The following SFMBT2 variants were observed in gnomAD, a reference collection of about 807,000 sequenced individuals.
The protein encoded by SFMBT2 is scm-like with four MBT domains protein 2.
A neutral mutation model predicts 110.1 loss-of-function variants in SFMBT2; 38 were observed. The observed-to-expected ratio is 0.35, with a 90% CI of 0.27 to 0.45. The LOEUF (loss-of-function observed/expected upper bound fraction) is 0.45. SFMBT2 is among the 20% of genes least tolerant of loss of function. The pLI is 1.00. For synonymous variants in SFMBT2, 425 were observed against 425.4 expected, an observed-to-expected ratio of 1.00 and a Z score of 0.01; for missense variants, 1,011 against 1,094.9, an observed-to-expected ratio of 0.92 and a Z score of 1.08.
chr10:7,372,412 C>G (rs1845087419), intron 2 of SFMBT2, among the ~76,000 whole-genome samples: 1 of 152,148 alleles, frequency 6.6e-6, no homozygotes, highest in Non-Finnish European at 1.5e-5. Context: ...AAGTGACTTA[C>G]AGTCAAACAT....
At position 7,286,720 on chromosome 10, in the gene SFMBT2, T is replaced by C. The variant is rs570487387; in HGVS notation, c.437-766A>G. Among the ~76,000 whole-genome samples the C allele has an allele frequency of 1.2e-4, 19 of 152,318 alleles. No homozygotes were observed. The South Asian group carries it at 3.7e-3, about 30-fold the overall frequency. ...ACTATACTATTTTCTGTTCGAGACT[T>C]GATCATCTGCAAATTTTGGTATCCT... On this transcript the variant is annotated intron_variant, in intron 4 of 20. Transcript: ENST00000397167.
intron 3 of SFMBT2, among the ~76,000 whole-genome samples, chr10:7,368,597 G>A (rs897471728): frequency 6.6e-6 from 1 of 152,170 alleles, no homozygotes; most frequent in Admixed American, 6.5e-5. Flanking sequence ...TGGCCCCCAG[G>A]ACACTATATT....
intron 4 of SFMBT2, among the ~76,000 whole-genome samples, chr10:7,318,570 T>C (rs1328743475): frequency 6.6e-6 from 1 of 152,244 alleles, no homozygotes; most frequent in African/African-American, 2.4e-5. Context: ...TTAGCAGGAA[T>C]GTAACACAGT....
chr10:7,187,352 G>T (rs1254043418), intron 16 of SFMBT2, among the ~76,000 whole-genome samples: 1 of 152,150 alleles, frequency 6.6e-6, no homozygotes, highest in East Asian at 1.9e-4. Flanking sequence ...TACTGCTAAT[G>T]ATCTCTTTAA....
rs1455513907 is a variant in SFMBT2 at position 7,399,386 on chromosome 10, C to T, written c.-52+11475G>A. On this transcript the variant is annotated intron_variant, in intron 1 of 20. Coordinates refer to ENST00000397167, the MANE Select transcript of SFMBT2 (RefSeq NM_001387889.1). ...TACCTGGGATTACAGGCGCCCACCA[C>T]TATGCCCAGCTAATTTTTTATTTTT... Among the ~76,000 whole-genome samples, 3 of 152,200 alleles carry T rather than the reference C, an allele frequency of 2.0e-5. No individual in the cohort carries two copies. The East Asian group carries it at 5.8e-4, about 29-fold the overall frequency.
At chr10:7,377,349 G>A (rs754014732) in intron 2 of SFMBT2, among the ~76,000 whole-genome samples, 47 of 152,194 alleles carry the variant, frequency 3.1e-4, no homozygotes, top group Non-Finnish European at 5.6e-4. Context: ...TTTTGTGGAA[G>A]ACAATTAGGC....
intron 8 of SFMBT2, 150 bp downstream of exon 8, chr10:7,248,398 C>G (rs1239178726): frequency 3.2e-6 from 2 of 631,896 alleles, no homozygotes; most frequent in Non-Finnish European, 5.5e-6. Flanking sequence ...TAAAGCAGCG[C>G]TGGACTGGAA....
chr10:7,197,500 T>A lies in SFMBT2; in HGVS notation c.1698+48A>T, dbSNP rs752392626. On this transcript the variant is annotated intron_variant, in intron 15 of 20. Transcript: ENST00000397167. The stretch of plus-strand genomic sequence containing the variant: ...TTCAGAAACTGAGCCCACAGCTTTT[T>A]AAAAAATCCTGTTAAAATAAGCCAA... The A allele has an allele frequency of 2.5e-6, 4 of 1,593,126 alleles. No homozygotes were observed. In the South Asian group the frequency reaches 4.5e-5, roughly 18 times the overall value.
At chr10:7,332,179 GT>G (rs1843581130) in intron 4 of SFMBT2, among the ~76,000 whole-genome samples, 1 of 152,200 alleles carries the variant, frequency 6.6e-6, no homozygotes, top group African/African-American at 2.4e-5. Flanking sequence ...TGTAACTGCA[GT>G]TTATTGTAGG....
At chr10:7,311,005 C>T (rs1306428623) in intron 4 of SFMBT2, among the ~76,000 whole-genome samples, 1 of 137,898 alleles carries the variant, frequency 7.3e-6, no homozygotes, top group African/African-American at 2.7e-5. Flanking sequence ...CAAGATCGTG[C>T]TATTGCACTC....
intron 4 of SFMBT2, among the ~76,000 whole-genome samples, chr10:7,347,682 A>G (rs1363180133): frequency 6.6e-6 from 1 of 152,216 alleles, no homozygotes; most frequent in Non-Finnish European, 1.5e-5. Flanking sequence ...GTTAGCAGAA[A>G]GAGGAGATAA....
chr10:7,325,799 G>A (rs1012262263), intron 4 of SFMBT2, among the ~76,000 whole-genome samples: 3 of 152,122 alleles, frequency 2.0e-5, no homozygotes, highest in South Asian at 2.1e-4. Flanking sequence ...TTTACTCTTT[G>A]GGATGATGAA....
chr10:7,240,268 AG>A (rs1174346198), intron 9 of SFMBT2, among the ~76,000 whole-genome samples: 1 of 152,160 alleles, frequency 6.6e-6, no homozygotes, highest in Non-Finnish European at 1.5e-5. Context: ...TCTCTAACAT[AG>A]GAAGTGTCAT....
At chr10:7,253,594 C>T (rs1210018444) in intron 7 of SFMBT2, among the ~76,000 whole-genome samples, 3 of 152,124 alleles carry the variant, frequency 2.0e-5, no homozygotes, top group East Asian at 1.9e-4. Context: ...CCAAACTACA[C>T]AAAACCCCTT....
chr10:7,228,500 G>C, intron 9 of SFMBT2: 767 of 238,450 alleles, frequency 3.2e-3, no homozygotes, highest in Middle Eastern at 6.4e-3. Flanking sequence ...AGGGAAGGAA[G>C]GCAAACGTTG....
At chr10:7,212,704 G>C (rs1303333050) in intron 11 of SFMBT2, among the ~76,000 whole-genome samples, 1 of 152,128 alleles carries the variant, frequency 6.6e-6, no homozygotes, top group Non-Finnish European at 1.5e-5. Context: ...AAATAAAAAA[G>C]ATTTTACACT....
intron 7 of SFMBT2, among the ~76,000 whole-genome samples, chr10:7,274,218 C>T (rs193274460): frequency 6.6e-6 from 1 of 152,154 alleles, no homozygotes; most frequent in Non-Finnish European, 1.5e-5. Context: ...CAGGTGCAGT[C>T]GCTCACACCT....
intron 1 of SFMBT2, among the ~76,000 whole-genome samples, chr10:7,407,521 TG>T (rs1249364825): frequency 6.6e-6 from 1 of 151,990 alleles, no homozygotes; most frequent in Non-Finnish European, 1.5e-5. Context: ...AGGACGCGGC[TG>T]GGGTTGGTGC....
intron 6 of SFMBT2, among the ~76,000 whole-genome samples, chr10:7,278,384 G>A (rs1240980003): frequency 6.6e-6 from 1 of 152,126 alleles, no homozygotes; most frequent in Non-Finnish European, 1.5e-5. Flanking sequence ...GAGAGCGAGA[G>A]GGATACCTGT....
Sources: gnomAD v4.1 joint callset for allele counts (sites outside exome capture counted in the v4.1 genomes callset) on GRCh38, gnomAD v4.1.1 for gene constraint, MANE v1.5 for transcripts, NCBI Gene and HGNC (gene_info 2026-07-23, HGNC 2026-07-21) for gene names.